Variants in RAPGEF2 observed in about 807,000 individuals in gnomAD.
RAPGEF2 encodes PDZ domain containing guanine nucleotide exchange factor (GEF) 1.
RAPGEF2 carries 54 observed loss-of-function variants against 186.7 expected under a neutral mutation model. That is an observed-to-expected ratio of 0.29 (90% CI 0.23 to 0.36). The LOEUF is 0.36. Among genes scored for constraint, RAPGEF2 ranks in the 10% least tolerant of loss-of-function variants. The pLI is 1.00. For synonymous variants in RAPGEF2, 712 were observed against 705.9 expected (o/e 1.01, Z -0.14); for missense variants, 1,532 against 2,045.0 (o/e 0.75, Z 4.84).
chr4:159,331,889 C>G lies in RAPGEF2; in HGVS notation c.1780-37C>G, dbSNP rs771520351. On this transcript the variant is annotated intron_variant, in intron 15 of 29. Coordinates refer to ENST00000691494, the MANE Select transcript of RAPGEF2 (RefSeq NM_001394067.2). The stretch of plus-strand genomic sequence containing the variant: ...AATTTTGGTGTCTGGTTTTTTTTTT[C>G]AGTCAATTTTGATACATTTTATAAT... 3.2e-6 allele frequency: 5 copies of G among 1,559,650 alleles called. No homozygotes were observed. The East Asian group carries it at 1.1e-4, about 35-fold the overall frequency.
rs1553991869 is a variant in RAPGEF2, at chr4:159,104,553, A to AGAGAGAGAGT, written c.69+323_69+324insAGAGAGAGTG. 1.8e-4 allele frequency among the ~76,000 whole-genome samples: 24 copies of AGAGAGAGAGT among 136,102 alleles called. 1 individual carries two copies. The highest frequency in any genetic ancestry group is 6.4e-4 in the African/African-American group (22 of 34,208). The allele number at this position is 136,102 out of a possible 152,430, so 89.3% of individuals were successfully genotyped here. On this transcript the variant is annotated intron_variant, in intron 1 of 29. Transcript: ENST00000691494. The stretch of plus-strand genomic sequence containing the variant: ...GAGAGACAGAGAGAGAGAGAGAGAG[A>AGAGAGAGAGT]GTGTGTGTGTGTGTGTGTATGTGTG...
chr4:159,171,975 A>G (rs1176659569), intron 1 of RAPGEF2, among the ~76,000 whole-genome samples: 1 of 152,142 alleles, frequency 6.6e-6, no homozygotes, highest in Non-Finnish European at 1.5e-5. Flanking sequence ...AGGATATTAG[A>G]TAAAACAGTG....
chr4:159,113,271 A>G (rs1026192550), intron 1 of RAPGEF2, among the ~76,000 whole-genome samples: 34 of 152,368 alleles, frequency 2.2e-4, no homozygotes, highest in African/African-American at 7.5e-4. Context: ...CTTTACCACA[A>G]TTATTGTAGA....
At chr4:159,263,654 A>G (rs1757123524) in intron 7 of RAPGEF2, among the ~76,000 whole-genome samples, 1 of 152,188 alleles carries the variant, frequency 6.6e-6, no homozygotes, top group South Asian at 2.1e-4. Context: ...AGATAAGTAC[A>G]TTATTCTCTT....
intron 8 of RAPGEF2, among the ~76,000 whole-genome samples, chr4:159,313,916 G>A (rs1764243534): frequency 6.6e-6 from 1 of 152,194 alleles, no homozygotes; most frequent in Non-Finnish European, 1.5e-5. Context: ...AGGCCATCTT[G>A]AAATGTGTGA....
chr4:159,287,533 G>A (rs759833245), intron 7 of RAPGEF2, among the ~76,000 whole-genome samples: 7 of 152,052 alleles, frequency 4.6e-5, no homozygotes, highest in Non-Finnish European at 8.8e-5. Context: ...TGAGTGATAG[G>A]ACTTGACTAT....
chr4:159,248,718 A>G (rs997392469), intron 7 of RAPGEF2, among the ~76,000 whole-genome samples: 4 of 152,236 alleles, frequency 2.6e-5, no homozygotes, highest in African/African-American at 9.6e-5. Context: ...AAATTGCACT[A>G]TAGCATATGT....
At chr4:159,190,691 G>T (rs1376676696) in intron 2 of RAPGEF2, among the ~76,000 whole-genome samples, 30 of 152,152 alleles carry the variant, frequency 2.0e-4, no homozygotes, top group Non-Finnish European at 1.5e-4. Context: ...TTCACAAGTG[G>T]CAGGAGAGAG....
intron 1 of RAPGEF2, among the ~76,000 whole-genome samples, chr4:159,113,841 A>ACC (rs1383088950): frequency 1.3e-5 from 2 of 152,062 alleles, no homozygotes; most frequent in Non-Finnish European, 2.9e-5. Context: ...TATGTATTGA[A>ACC]CCACTAGTAA....
At chr4:159,245,241 A>T (rs182400990) in intron 7 of RAPGEF2, among the ~76,000 whole-genome samples, 1 of 152,188 alleles carries the variant, frequency 6.6e-6, no homozygotes, top group Non-Finnish European at 1.5e-5. Context: ...TGTTTTCAGG[A>T]CATTTTTCAA....
At chr4:159,299,301 T>A (rs1762374178) in intron 7 of RAPGEF2, among the ~76,000 whole-genome samples, 4 of 152,154 alleles carry the variant, frequency 2.6e-5, no homozygotes, top group Admixed American at 2.6e-4. Flanking sequence ...CCAAGATTAG[T>A]TTGGGAAATT....
intron 1 of RAPGEF2, among the ~76,000 whole-genome samples, chr4:159,115,067 A>T (rs748115232): frequency 6.6e-6 from 1 of 152,300 alleles, no homozygotes; most frequent in South Asian, 2.1e-4. Context: ...CCTTGTATCT[A>T]TGCCTTTACA....
intron 7 of RAPGEF2, among the ~76,000 whole-genome samples, chr4:159,261,681 A>T (rs923302827): frequency 6.6e-6 from 1 of 152,220 alleles, no homozygotes; most frequent in Non-Finnish European, 1.5e-5. Flanking sequence ...AATACCCTAC[A>T]GTGCAGATTA....
rs1195275291 is a variant in RAPGEF2 at position 159,353,243 on chromosome 4, A to T, written c.4092-244A>T. On this transcript the variant is annotated intron_variant, in intron 27 of 29. Coordinates refer to ENST00000691494, the MANE Select transcript of RAPGEF2 (RefSeq NM_001394067.2). The surrounding 1 kb of genome is among the most constrained non-coding windows in gnomAD (Gnocchi z 4.3). ...GAGCCACCCTTAATGTTGTCGGGGA[A>T]TTTTTTTTTTTTTAATGGCACGTTG... 1.4e-5 allele frequency among the ~76,000 whole-genome samples: 2 copies of T among 147,286 alleles called. No homozygotes were observed. Among genetic ancestry groups the T allele is most frequent in the South Asian group, 2.2e-4 (1 of 4,630 alleles).
Position 159,338,301 on chromosome 4 carries a change from CTTTG to C in RAPGEF2, c.2136-7_2136-4del. 6.3e-7 allele frequency: 1 copy of C among 1,596,130 alleles called. No homozygotes were observed. Among genetic ancestry groups the C allele is most frequent in the Non-Finnish European group, 8.6e-7 (1 of 1,168,340 alleles). On this transcript the variant is annotated splice_region_variant and splice_polypyrimidine_tract_variant and intron_variant, in intron 17 of 29. Coordinates refer to ENST00000691494, the MANE Select transcript of RAPGEF2 (RefSeq NM_001394067.2). Reference sequence around the variant, plus strand: ...TTGTTGATAATTTTCTAATTTTCCTCTTTGTTCAGTGATATTGGGATTGGTCAGT... The same window carrying C: ...TTGTTGATAATTTTCTAATTTTCCTCTTCAGTGATATTGGGATTGGTCAGT...
chr4:159,283,413 A>G (rs1176757704), intron 7 of RAPGEF2, among the ~76,000 whole-genome samples: 1 of 152,324 alleles, frequency 6.6e-6, no homozygotes, highest in East Asian at 1.9e-4. Context: ...TGTTATCTGC[A>G]TGGTGTGAAG....
intron 8 of RAPGEF2, among the ~76,000 whole-genome samples, chr4:159,311,910 A>C (rs1285492567): frequency 6.6e-6 from 1 of 152,172 alleles, no homozygotes; most frequent in Admixed American, 6.5e-5. Context: ...CTAAATAATA[A>C]TCTCTAAATT....
intron 7 of RAPGEF2, among the ~76,000 whole-genome samples, chr4:159,272,449 C>T (rs749215319): frequency 1.3e-5 from 2 of 152,198 alleles, no homozygotes; most frequent in East Asian, 1.9e-4. Flanking sequence ...CTTGGCTTGA[C>T]TTTGACTTGG....
At chr4:159,108,833 G>A (rs371427841) in intron 1 of RAPGEF2, among the ~76,000 whole-genome samples, 4 of 151,928 alleles carry the variant, frequency 2.6e-5, no homozygotes, top group African/African-American at 4.8e-5. Context: ...ATCCTCCTGC[G>A]TCAGCCTCGA....
Sources: gnomAD v4.1 joint callset for allele counts (sites outside exome capture counted in the v4.1 genomes callset) on GRCh38, gnomAD v4.1.1 for gene constraint, Gnocchi (gnomAD v3.1) non-coding constraint, MANE v1.5 for transcripts, NCBI Gene and HGNC (gene_info 2026-07-23, HGNC 2026-07-21) for gene names.